The following PTPRR variants were observed in gnomAD, a reference collection of about 807,000 sequenced individuals.
PTPRR encodes the protein protein tyrosine phosphatase receptor type R.
A neutral mutation model predicts 77.2 loss-of-function variants in PTPRR; 38 were observed. The observed-to-expected ratio is 0.49, with a 90% CI of 0.38 to 0.65. The LOEUF (loss-of-function observed/expected upper bound fraction) is 0.65, where lower values mean the gene tolerates loss of function less well. Among genes scored for constraint, PTPRR ranks in the 30% least tolerant of loss-of-function variants. The probability of loss-of-function intolerance (pLI) is 0.00; values close to 1 mark genes in which losing one functional copy is unlikely to be tolerated. For missense variants in PTPRR, 744 were observed against 799.2 expected, an observed-to-expected ratio of 0.93 and a Z score of 0.83; for synonymous variants, 299 against 283.1, an observed-to-expected ratio of 1.06 and a Z score of -0.57.
At chr12:70,881,832 GA>G (rs1407450403) in intron 2 of PTPRR, among the ~76,000 whole-genome samples, 1 of 152,206 alleles carries the variant, frequency 6.6e-6, no homozygotes, top group African/African-American at 2.4e-5. Context: ...CTGACACAAT[GA>G]ATAGATTCAA....
At chr12:70,880,435 A>G (rs1483097555) in intron 2 of PTPRR, among the ~76,000 whole-genome samples, 3 of 152,186 alleles carry the variant, frequency 2.0e-5, no homozygotes, top group Non-Finnish European at 2.9e-5. Flanking sequence ...ATCTCTGAAT[A>G]TCTAACAGAA....
intron 2 of PTPRR, among the ~76,000 whole-genome samples, chr12:70,877,721 C>G (rs1454574234): frequency 6.6e-6 from 1 of 152,136 alleles, no homozygotes; most frequent in Non-Finnish European, 1.5e-5. Context: ...CTACCAATGA[C>G]TTTCTTCACA....
intron 6 of PTPRR, among the ~76,000 whole-genome samples, chr12:70,720,398 G>A (rs1337733456): frequency 6.6e-6 from 1 of 152,102 alleles, no homozygotes; most frequent in Admixed American, 6.6e-5. Context: ...ATCTTGTACA[G>A]TACCTGGCAT....
chr12:70,684,670 G>T, intron 9 of PTPRR, 34 bp downstream of exon 9: 1 of 1,393,216 alleles, frequency 7.2e-7, no homozygotes, highest in Non-Finnish European at 1.0e-6. Context: ...CAAATAGGAA[G>T]TCACCAGAAA....
At chr12:70,639,557 TC>T (rs942774271) in intron 13 of PTPRR, 10 of 1,114,286 alleles carry the variant, frequency 9.0e-6, no homozygotes, top group Non-Finnish European at 1.1e-5. Context: ...AGCCTAATGA[TC>T]AAGTACTTGG....
chr12:70,722,193 C>T (rs1020276032), intron 6 of PTPRR, among the ~76,000 whole-genome samples: 26 of 152,088 alleles, frequency 1.7e-4, no homozygotes, highest in Admixed American at 1.3e-3. Context: ...CTTGCAAATG[C>T]CTCGGGTGAA....
chr12:70,824,528 G>A (rs1892076481), intron 2 of PTPRR, among the ~76,000 whole-genome samples: 1 of 152,152 alleles, frequency 6.6e-6, no homozygotes, highest in African/African-American at 2.4e-5. Context: ...ACATACATGT[G>A]AAAATACCAT....
intron 2 of PTPRR, among the ~76,000 whole-genome samples, chr12:70,844,529 C>A (rs144579445): frequency 2.0e-5 from 3 of 151,714 alleles, no homozygotes; most frequent in Admixed American, 2.0e-4. Context: ...TCATACAAGC[C>A]GAGTAGAATA....
chr12:70,763,257 T>C (rs1366230873), intron 3 of PTPRR, among the ~76,000 whole-genome samples: 1 of 152,014 alleles, frequency 6.6e-6, no homozygotes, highest in East Asian at 1.9e-4. Flanking sequence ...GCCTCCTGAG[T>C]AGCTGGGATT....
chr12:70,714,183 G>C (rs1293765215), intron 6 of PTPRR, among the ~76,000 whole-genome samples: 2 of 151,790 alleles, frequency 1.3e-5, no homozygotes, highest in South Asian at 4.2e-4. Context: ...ATTTTATATT[G>C]AATAGACATA....
At chr12:70,783,410 A>C (rs1273798097) in intron 2 of PTPRR, among the ~76,000 whole-genome samples, 1 of 151,936 alleles carries the variant, frequency 6.6e-6, no homozygotes, top group Non-Finnish European at 1.5e-5. Context: ...AGGTCTCTGA[A>C]ACTCTCAGCA....
At chr12:70,698,671 A>G (rs779640267) in intron 7 of PTPRR, among the ~76,000 whole-genome samples, 1 of 152,198 alleles carries the variant, frequency 6.6e-6, no homozygotes, top group Non-Finnish European at 1.5e-5. Flanking sequence ...TAAAAAGTGA[A>G]TTTTTTTAAA....
chr12:70,724,729 T>C (rs1002468296), intron 6 of PTPRR, among the ~76,000 whole-genome samples: 3 of 152,064 alleles, frequency 2.0e-5, no homozygotes, highest in Non-Finnish European at 4.4e-5. Context: ...ATTGCTATCA[T>C]TGCTGTTACT....
At chr12:70,868,348 A>T (rs1018133530) in intron 2 of PTPRR, among the ~76,000 whole-genome samples, 1 of 111,460 alleles carries the variant, frequency 9.0e-6, no homozygotes, top group Non-Finnish European at 1.7e-5. Flanking sequence ...CAAGAAAAAA[A>T]AAAACAACCC....
chr12:70,828,268 C>G (rs942538573), intron 2 of PTPRR, among the ~76,000 whole-genome samples: 1 of 152,204 alleles, frequency 6.6e-6, no homozygotes, highest in Non-Finnish European at 1.5e-5. Context: ...CATTCCTTTT[C>G]TTGCCCTTTG....
At chr12:70,656,933 T>C (rs577187634) in intron 12 of PTPRR, 116 bp from the exon 13 acceptor site, 8 of 679,094 alleles carry the variant, frequency 1.2e-5, no homozygotes, top group East Asian at 5.3e-5. Context: ...TATTCACATA[T>C]TGAGTATTAT....
At chr12:70,681,026 C>A (rs1053083258) in intron 10 of PTPRR, among the ~76,000 whole-genome samples, 1 of 152,132 alleles carries the variant, frequency 6.6e-6, no homozygotes, top group Admixed American at 6.5e-5. Flanking sequence ...GCTATATGGG[C>A]TTCATGGATG....
chr12:70,681,667 C>T (rs1887666314), intron 10 of PTPRR, among the ~76,000 whole-genome samples: 1 of 152,216 alleles, frequency 6.6e-6, no homozygotes, highest in African/African-American at 2.4e-5. Flanking sequence ...CCAGTTCAAA[C>T]ATACTTTCTT....
Position 70,698,315 on chromosome 12 carries a change from A to G in PTPRR, c.1229T>C (p.Ile410Thr). Residue 410 changes from isoleucine to threonine, a missense_variant, in exon 8 of 14, where the codon ATT (isoleucine) becomes ACT (threonine). Physicochemically the swap from Ile to Thr is moderately conservative, Grantham distance 89. This residue lies in a region of PTPRR where 570 missense variants were observed against 573.2 expected (regional missense o/e 0.99). Transcript: ENST00000283228. Reference sequence around the variant, plus strand: ...TTTAGTTCCATGACGCGGAATATCAATTTCTTTGGGATCCACAAAGTTCAT... The same window carrying G: ...TTTAGTTCCATGACGCGGAATATCAGTTTCTTTGGGATCCACAAAGTTCAT... ...IPMNFVDPKE[I>T]DIPRHGTKNR... 3.7e-6 allele frequency: 6 copies of G among 1,613,084 alleles called. No individual in the cohort carries two copies. Among genetic ancestry groups the G allele is most frequent in the Middle Eastern group, 3.3e-4 (2 of 6,046 alleles).
Sources: allele counts gnomAD v4.1 joint callset (sites outside exome capture counted in the v4.1 genomes callset), GRCh38; gene constraint gnomAD v4.1.1; regional missense constraint gnomAD v4.1.1; transcripts MANE v1.5; gene names NCBI Gene and HGNC (gene_info 2026-07-23, HGNC 2026-07-21).